The following CERS3 variants were observed in gnomAD, a reference collection of about 807,000 sequenced individuals.
The protein encoded by CERS3 is LAG1 homolog, ceramide synthase 3.
A neutral mutation model predicts 50.3 loss-of-function variants in CERS3; 33 were observed. The observed-to-expected ratio is 0.66, with a 90% CI of 0.50 to 0.88. The LOEUF (loss-of-function observed/expected upper bound fraction) is 0.88, where lower values mean the gene tolerates loss of function less well. Ranked by LOEUF, CERS3 falls within the 40% of genes least tolerant of loss-of-function variation. The probability of loss-of-function intolerance (pLI) is 0.00; values close to 1 mark genes in which losing one functional copy is unlikely to be tolerated. For synonymous variants in CERS3, 176 were observed against 155.2 expected, an observed-to-expected ratio of 1.13 and a Z score of -0.99; for missense variants, 470 against 460.3, an observed-to-expected ratio of 1.02 and a Z score of -0.19.
At chr15:100,444,140 G>A (rs1203798317) in intron 11 of CERS3, among the ~76,000 whole-genome samples, 8 of 152,182 alleles carry the variant, frequency 5.3e-5, no homozygotes, top group East Asian at 1.9e-4. Flanking sequence ...TGGCCATCAT[G>A]TCTCCGTGCA....
chr15:100,449,326 G>A (rs1309386389), intron 11 of CERS3, among the ~76,000 whole-genome samples: 2 of 152,224 alleles, frequency 1.3e-5, no homozygotes, highest in East Asian at 1.9e-4. Flanking sequence ...GGGAGCCAGA[G>A]GATTGTTAAG....
chr15:100,423,600 A>G (rs1179969161), intron 11 of CERS3, among the ~76,000 whole-genome samples: 1 of 152,160 alleles, frequency 6.6e-6, no homozygotes, highest in Non-Finnish European at 1.5e-5. Flanking sequence ...GTCCTACTTG[A>G]GGGCGGAGGG....
intron 11 of CERS3, among the ~76,000 whole-genome samples, chr15:100,424,027 C>T (rs1216930184): frequency 6.6e-6 from 1 of 151,940 alleles, no homozygotes; most frequent in African/African-American, 2.4e-5. Flanking sequence ...CCACAACCTC[C>T]ACCTCCCGAG....
chr15:100,505,850 A>C (rs968307472), intron 2 of CERS3, among the ~76,000 whole-genome samples: 2 of 152,188 alleles, frequency 1.3e-5, no homozygotes, highest in Non-Finnish European at 2.9e-5. Context: ...TCTACAAAAA[A>C]TACAAGAATT....
chr15:100,530,907 AC>A (rs1053950233), upstream of CERS3, among the ~76,000 whole-genome samples: 1 of 151,824 alleles, frequency 6.6e-6, no homozygotes, highest in Non-Finnish European at 1.5e-5. Flanking sequence ...ACATGGTGAA[AC>A]CCTATCTCTA....
chr15:100,488,021 G>A (rs966475345), intron 4 of CERS3, among the ~76,000 whole-genome samples: 1 of 152,110 alleles, frequency 6.6e-6, no homozygotes, highest in Non-Finnish European at 1.5e-5. Flanking sequence ...TTGATCTGTT[G>A]GTCAGAGTTG....
intron 11 of CERS3, among the ~76,000 whole-genome samples, chr15:100,444,560 G>A (rs1024372314): frequency 9.2e-5 from 14 of 152,140 alleles, no homozygotes; most frequent in Non-Finnish European, 7.3e-5. Context: ...CCGCTAGCCC[G>A]CCTCTTAGAA....
intron 11 of CERS3, among the ~76,000 whole-genome samples, chr15:100,412,611 G>A (rs2031575460): frequency 6.6e-6 from 1 of 152,090 alleles, no homozygotes; most frequent in Admixed American, 6.5e-5. Flanking sequence ...ATGGTTCCCT[G>A]ATTTATAGAA....
chr15:100,483,339 C>T (rs577748958), intron 5 of CERS3, among the ~76,000 whole-genome samples: 1 of 152,236 alleles, frequency 6.6e-6, no homozygotes, highest in Middle Eastern at 3.4e-3. Flanking sequence ...TGTTTAAGGC[C>T]GGTAACCACG....
At chr15:100,487,662 A>T (rs1311782667) in intron 4 of CERS3, among the ~76,000 whole-genome samples, 1 of 152,232 alleles carries the variant, frequency 6.6e-6, no homozygotes, top group Admixed American at 6.5e-5. Context: ...GAATGGGGCC[A>T]AGAGACCTGG....
At chr15:100,404,771 A>G (rs2030856549) in intron 11 of CERS3, among the ~76,000 whole-genome samples, 1 of 152,250 alleles carries the variant, frequency 6.6e-6, no homozygotes, top group Non-Finnish European at 1.5e-5. Flanking sequence ...ACAAAGGAAT[A>G]AACATGCAGA....
At chr15:100,478,490 C>G (rs2035203235) in intron 7 of CERS3, among the ~76,000 whole-genome samples, 1 of 150,444 alleles carries the variant, frequency 6.6e-6, no homozygotes, top group African/African-American at 2.5e-5. Context: ...CCTTCCATCC[C>G]TAATCCCCAT....
chr15:100,519,332 C>T (rs571419877), intron 2 of CERS3, among the ~76,000 whole-genome samples: 40 of 152,226 alleles, frequency 2.6e-4, no homozygotes, highest in African/African-American at 8.2e-4. Flanking sequence ...AGCAGCAGCT[C>T]TGGGTGCTGT....
At chr15:100,411,240 G>A (rs2031463129) in intron 11 of CERS3, among the ~76,000 whole-genome samples, 1 of 152,074 alleles carries the variant, frequency 6.6e-6, no homozygotes, top group Non-Finnish European at 1.5e-5. Context: ...TTGGCTCACT[G>A]CAACCTCGCC....
At chr15:100,413,974 A>C (rs10902577) in intron 11 of CERS3, among the ~76,000 whole-genome samples, 87,390 of 151,836 alleles carry the variant, frequency 0.58, 25,347 homozygotes, top group Middle Eastern at 0.61. Context: ...CCAGAAAAAT[A>C]CCTGGAACAG....
chr15:100,482,399 G>A (rs1020170583), intron 5 of CERS3, among the ~76,000 whole-genome samples: 7 of 152,128 alleles, frequency 4.6e-5, no homozygotes, highest in African/African-American at 1.7e-4. Context: ...GAGGCCTGTG[G>A]TGGGGACGCT....
At position 100,449,095 on chromosome 15, in the gene CERS3, C is replaced by T. The variant is rs555012587; in HGVS notation, c.999+6798G>A. 5.3e-5 allele frequency among the ~76,000 whole-genome samples: 8 copies of T among 152,292 alleles called. No individual in the cohort carries two copies. In the South Asian group the frequency reaches 1.7e-3, roughly 32 times the overall value. On this transcript the variant is annotated intron_variant, in intron 11 of 11. Coordinates refer to ENST00000679737, the MANE Select transcript of CERS3 (RefSeq NM_001378789.1). ...GAGGATAGGTCTGCTTCGCCTGGTT[C>T]CACACTCCCTCCCCCTACTGCCCAA...
In CERS3 at chr15:100,518,211, G is replaced by A. The variant is rs562256604; in HGVS notation, c.-2+3456C>T. ...CACCCCGATTTTAAATAGATAGGGG[G>A]TGACAGAGACAGAGAGATAGACAAA... On this transcript the variant is annotated intron_variant, in intron 2 of 11. Transcript: ENST00000679737. Among the ~76,000 whole-genome samples the A allele has an allele frequency of 2.0e-5, 3 of 152,206 alleles. No individual in the cohort carries two copies. In the South Asian group the frequency reaches 6.2e-4, roughly 32 times the overall value.
At chr15:100,439,424 T>C (rs2033579466) in intron 11 of CERS3, among the ~76,000 whole-genome samples, 2 of 152,224 alleles carry the variant, frequency 1.3e-5, no homozygotes, top group Admixed American at 1.3e-4. Context: ...ATATTTAAAG[T>C]TACTTACTGA....
Sources: allele counts gnomAD v4.1 joint callset (sites outside exome capture counted in the v4.1 genomes callset), GRCh38; gene constraint gnomAD v4.1.1; transcripts MANE v1.5; gene names NCBI Gene and HGNC (gene_info 2026-07-23, HGNC 2026-07-21).